Variants in KLF12 observed in about 807,000 individuals in gnomAD.
The protein encoded by KLF12 is KLF transcription factor 12.
KLF12 carries 9 observed loss-of-function variants against 37.8 expected under a neutral mutation model. The ratio of observed to expected loss-of-function variants is 0.24; its 90% CI spans 0.14 to 0.42. The LOEUF is 0.42. KLF12 is among the 10% of genes least tolerant of loss of function. The probability of loss-of-function intolerance (pLI) is 1.00; values close to 1 mark genes in which losing one functional copy is unlikely to be tolerated. For missense variants in KLF12, 411 were observed against 516.0 expected, an observed-to-expected ratio of 0.80 and a Z score of 1.97; for synonymous variants, 208 against 202.1, an observed-to-expected ratio of 1.03 and a Z score of -0.25.
intron 3 of KLF12, among the ~76,000 whole-genome samples, chr13:73,936,992 C>T (rs1889963766): frequency 6.6e-6 from 1 of 152,106 alleles, no homozygotes; most frequent in Non-Finnish European, 1.5e-5. Context: ...AAGATCGAGA[C>T]CATCCTGGTC....
intron 1 of KLF12, among the ~76,000 whole-genome samples, chr13:74,098,153 T>C: frequency 6.6e-6 from 1 of 152,162 alleles, no homozygotes; most frequent in East Asian, 1.9e-4. Context: ...ATTTCGGCCA[T>C]AATAATAAAG....
chr13:73,952,591 T>C (rs910674720), intron 2 of KLF12, among the ~76,000 whole-genome samples: 18 of 152,230 alleles, frequency 1.2e-4, no homozygotes, highest in Admixed American at 6.5e-4. Context: ...TTATATGTTA[T>C]GGTAATTCAT....
At chr13:74,170,471 A>T in the KLF12 span, among the ~76,000 whole-genome samples, 1 of 152,350 alleles carries the variant, frequency 6.6e-6, no homozygotes, top group South Asian at 2.1e-4. Context: ...TCCTCAAAGG[A>T]ACTGATATTC....
the KLF12 span, among the ~76,000 whole-genome samples, chr13:74,229,802 T>C: frequency 6.6e-6 from 1 of 152,162 alleles, no homozygotes; most frequent in African/African-American, 2.4e-5. Flanking sequence ...CTAAGTCAGT[T>C]CTGCTTCTTA....
intron 5 of KLF12, among the ~76,000 whole-genome samples, chr13:73,799,558 T>C (rs1882176624): frequency 6.6e-6 from 1 of 152,142 alleles, no homozygotes. Context: ...TATAAAATCT[T>C]CACTGGTTTG....
At chr13:74,260,574 T>TAAATA in the KLF12 span, among the ~76,000 whole-genome samples, 8,648 of 100,228 alleles carry the variant, frequency 0.086, 415 homozygotes, top group South Asian at 0.12. Context: ...TAAAATAAAA[T>TAAATA]AAATAAAATA....
At chr13:74,038,566 C>A (rs1183689378) in intron 1 of KLF12, among the ~76,000 whole-genome samples, 1 of 152,138 alleles carries the variant, frequency 6.6e-6, no homozygotes, top group Non-Finnish European at 1.5e-5. Flanking sequence ...TAGTCCAGCT[C>A]CACATTAAAG....
chr13:74,221,142 C>T, the KLF12 span, among the ~76,000 whole-genome samples: 1 of 151,794 alleles, frequency 6.6e-6, no homozygotes, highest in South Asian at 2.1e-4. Context: ...GTAGCTGGGA[C>T]TACAAGCACC....
chr13:73,806,139 T>C (rs1453559590), intron 5 of KLF12, among the ~76,000 whole-genome samples: 2 of 144,370 alleles, frequency 1.4e-5, no homozygotes, highest in Non-Finnish European at 1.5e-5. Context: ...TGAGATAAAG[T>C]CTCACTCTTG....
chr13:74,273,185 A>G, the KLF12 span, among the ~76,000 whole-genome samples: 7 of 152,196 alleles, frequency 4.6e-5, no homozygotes, highest in Non-Finnish European at 7.4e-5. Flanking sequence ...TTTGTGGCAT[A>G]TAGTTATGAT....
chr13:73,758,851 T>A (rs1393175512), intron 6 of KLF12, among the ~76,000 whole-genome samples: 1 of 152,144 alleles, frequency 6.6e-6, no homozygotes. Context: ...TTATCATGAA[T>A]CTCTCTTGCT....
chr13:73,784,662 G>A (rs1199231778), intron 5 of KLF12, among the ~76,000 whole-genome samples: 3 of 137,908 alleles, frequency 2.2e-5, no homozygotes, highest in African/African-American at 5.6e-5. Context: ...AAGGAGTCTC[G>A]CTCTGTTGCC....
intron 1 of KLF12, among the ~76,000 whole-genome samples, chr13:74,013,758 G>C (rs567104167): frequency 6.6e-6 from 1 of 151,956 alleles, no homozygotes; most frequent in Non-Finnish European, 1.5e-5. Context: ...ATATTAAAAC[G>C]AACAGTATAT....
At chr13:73,826,286 A>T (rs1171902606) in intron 4 of KLF12, among the ~76,000 whole-genome samples, 2 of 151,996 alleles carry the variant, frequency 1.3e-5, no homozygotes, top group Non-Finnish European at 2.9e-5. Flanking sequence ...CAGCATTTTT[A>T]TTTATCTCAT....
chr13:74,169,411 AT>A, the KLF12 span, among the ~76,000 whole-genome samples: 7 of 152,350 alleles, frequency 4.6e-5, no homozygotes, highest in South Asian at 1.4e-3. Flanking sequence ...TCCATAAAAA[AT>A]ATTAAACAAT....
At chr13:74,122,449 T>A (rs747462154) in intron 1 of KLF12, among the ~76,000 whole-genome samples, 50 of 152,118 alleles carry the variant, frequency 3.3e-4, no homozygotes, top group Admixed American at 8.5e-4. Flanking sequence ...TTTGCCTGCA[T>A]TGCTGGTAAT....
chr13:74,083,070 G>C (rs1875009062), intron 1 of KLF12, among the ~76,000 whole-genome samples: 1 of 152,182 alleles, frequency 6.6e-6, no homozygotes, highest in Non-Finnish European at 1.5e-5. Context: ...ACATTGAAAT[G>C]GGTTGGACAA....
At chr13:74,136,567 G>C (rs1194395621), upstream of KLF12, among the ~76,000 whole-genome samples, 1 of 152,212 alleles carries the variant, frequency 6.6e-6, no homozygotes, top group Non-Finnish European at 1.5e-5. Flanking sequence ...TTTCTCGAGT[G>C]AGCTGAGTGG....
chr13:73,840,846 C>A (rs1884697590), intron 4 of KLF12, among the ~76,000 whole-genome samples: 1 of 152,082 alleles, frequency 6.6e-6, no homozygotes, highest in South Asian at 2.1e-4. Flanking sequence ...CTACTTAAGC[C>A]TCTCTAGTTC....
Sources: gnomAD v4.1 joint callset for allele counts (sites outside exome capture counted in the v4.1 genomes callset) on GRCh38, gnomAD v4.1.1 for gene constraint, MANE v1.5 for transcripts, NCBI Gene and HGNC (gene_info 2026-07-23, HGNC 2026-07-21) for gene names.